The following TNKS variants were observed in gnomAD, a reference collection of about 807,000 sequenced individuals.
TNKS encodes tankyrase.
Under a neutral mutation model 135.8 loss-of-function variants are expected in TNKS, and 72 were observed. That is an observed-to-expected ratio of 0.53 (90% CI 0.44 to 0.64). The LOEUF is 0.64. Among genes scored for constraint, TNKS ranks in the 30% least tolerant of loss-of-function variants. TNKS has a pLI of 0.00. For synonymous variants in TNKS, 849 were observed against 649.3 expected (o/e 1.31, Z -4.68); for missense variants, 1,769 against 1,674.0 (o/e 1.06, Z -0.99).
At chr8:9,715,807 T>C (rs917327703) in intron 11 of TNKS, among the ~76,000 whole-genome samples, 2 of 152,146 alleles carry the variant, frequency 1.3e-5, no homozygotes, top group African/African-American at 4.8e-5. Context: ...TTAAAAAAAA[T>C]CAATAATTTA....
chr8:9,664,921 A>G (rs774440601), intron 3 of TNKS, among the ~76,000 whole-genome samples: 1 of 152,236 alleles, frequency 6.6e-6, no homozygotes, highest in Non-Finnish European at 1.5e-5. Context: ...GCTGTCTGCC[A>G]TTAGTCCATT....
At chr8:9,739,060 T>G (rs1219768145) in intron 17 of TNKS, among the ~76,000 whole-genome samples, 2 of 150,412 alleles carry the variant, frequency 1.3e-5, no homozygotes, top group Non-Finnish European at 3.0e-5. Flanking sequence ...AAATGGGATC[T>G]AATTAAACTA....
intron 3 of TNKS, among the ~76,000 whole-genome samples, chr8:9,649,357 G>T (rs1801046564): frequency 6.6e-6 from 1 of 152,124 alleles, no homozygotes; most frequent in South Asian, 2.1e-4. Context: ...ATAAGATGAG[G>T]CAAGGAGTTT....
At chr8:9,690,391 T>G (rs549441600) in intron 5 of TNKS, among the ~76,000 whole-genome samples, 1 of 152,326 alleles carries the variant, frequency 6.6e-6, no homozygotes, top group East Asian at 1.9e-4. Flanking sequence ...TTATCTGCTC[T>G]TCTCCCTTCC....
At chr8:9,659,154 C>G (rs1025617229) in intron 3 of TNKS, among the ~76,000 whole-genome samples, 9 of 152,206 alleles carry the variant, frequency 5.9e-5, no homozygotes, top group African/African-American at 2.2e-4. Flanking sequence ...TAACACCCCA[C>G]TGTCAACATT....
At chr8:9,615,030 C>T (rs910739508) in intron 2 of TNKS, among the ~76,000 whole-genome samples, 17 of 152,252 alleles carry the variant, frequency 1.1e-4, no homozygotes, top group African/African-American at 2.6e-4. Context: ...TGCAGCTCCA[C>T]GCCAGGGGAC....
At chr8:9,685,106 T>C (rs1388808883) in intron 5 of TNKS, among the ~76,000 whole-genome samples, 5 of 152,142 alleles carry the variant, frequency 3.3e-5, no homozygotes, top group Admixed American at 1.3e-4. Flanking sequence ...AAATATTTGC[T>C]TCCAAATAGT....
intron 17 of TNKS, among the ~76,000 whole-genome samples, chr8:9,742,377 C>T (rs1425177253): frequency 6.9e-6 from 1 of 145,420 alleles, no homozygotes; most frequent in East Asian, 2.0e-4. Context: ...TGTTTTTTAA[C>T]ATGGGCAACC....
rs754544024 is a variant in TNKS, at chr8:9,556,305, C to T, written c.366C>T (p.Gly122=). The T allele has an allele frequency of 1.9e-6, 3 of 1,614,272 alleles. No individual in the cohort carries two copies. Among genetic ancestry groups the T allele is most frequent in the Non-Finnish European group, 2.5e-6 (3 of 1,180,048 alleles). ...CTGGGGTCGCTCCCAACCCAGCCGG[C>T]AGTGGCAGTAACAATTCACCGTCGT... The part of the protein sequence containing the change: ...SAAGVAPNPA[G]SGSNNSPSSS... The change falls in exon 1 of 27, where the codon GGC becomes GGT. Residue 122 remains glycine (G), a synonymous_variant. Coordinates refer to ENST00000310430, the MANE Select transcript of TNKS (RefSeq NM_003747.3).
At position 9,766,383 on chromosome 8, in the gene TNKS, G is replaced by C; in HGVS notation, c.3698G>C (p.Gly1233Ala). Reference protein sequence around the residue: ...QYVYGIGGGTGCPTHKDRSCY... With the variant: ...QYVYGIGGGTACPTHKDRSCY... ...GTTTATGGAATTGGAGGAGGAACAG[G>C]CTGCCCTACACACAAGGACAGGTCA... The change falls in exon 25 of 27, where the codon GGC (glycine) becomes GCC (alanine). Residue 1233 changes from glycine to alanine, a missense_variant. By Grantham distance (60) the Gly-to-Ala change is moderately conservative. Transcript: ENST00000310430. The C allele has an allele frequency of 1.2e-6, 2 of 1,613,518 alleles. No homozygotes were observed. The highest frequency in any genetic ancestry group is 8.5e-7 in the Non-Finnish European group (1 of 1,179,700).
At chr8:9,654,890 A>T (rs553660539) in intron 3 of TNKS, among the ~76,000 whole-genome samples, 62 of 149,692 alleles carry the variant, frequency 4.1e-4, no homozygotes, top group African/African-American at 1.5e-3. Flanking sequence ...GGAGTGCCGG[A>T]CAGTGGGTGC....
intron 2 of TNKS, among the ~76,000 whole-genome samples, chr8:9,614,984 TG>T (rs1799586210): frequency 6.6e-6 from 1 of 152,180 alleles, no homozygotes; most frequent in African/African-American, 2.4e-5. Context: ...TAAACATTTT[TG>T]ATGGAAAGAA....
chr8:9,635,607 C>G (rs1330010146), intron 3 of TNKS, among the ~76,000 whole-genome samples: 1 of 152,134 alleles, frequency 6.6e-6, no homozygotes, highest in Non-Finnish European at 1.5e-5. Context: ...CAAAATCTGA[C>G]AATACTTTTT....
At chr8:9,740,944 G>A (rs903026234) in intron 17 of TNKS, 1 of 149,268 alleles carries the variant, frequency 6.7e-6, no homozygotes, top group African/African-American at 2.5e-5. Context: ...CGAGTAGCTG[G>A]AACTACAGGC....
chr8:9,720,671 C>T (rs1804830304), intron 12 of TNKS, 126 bp downstream of exon 12: 2 of 1,088,742 alleles, frequency 1.8e-6, no homozygotes, highest in Non-Finnish European at 2.5e-6. Flanking sequence ...GCAATTTAGC[C>T]TGTGGACTTC....
intron 3 of TNKS, among the ~76,000 whole-genome samples, chr8:9,668,295 G>C (rs1378338210): frequency 6.6e-6 from 1 of 151,944 alleles, no homozygotes; most frequent in African/African-American, 2.4e-5. Flanking sequence ...ACCTTTTTTG[G>C]GTCATGGACC....
chr8:9,672,413 T>C (rs985464477), intron 3 of TNKS, among the ~76,000 whole-genome samples: 2 of 151,794 alleles, frequency 1.3e-5, no homozygotes, highest in African/African-American at 2.4e-5. Context: ...TGTAGTGAAA[T>C]ATATGACAGC....
At position 9,584,805 on chromosome 8, in the gene TNKS, C is replaced by T. The variant is rs545667972; in HGVS notation, c.898+4422C>T. Among the ~76,000 whole-genome samples the T allele has an allele frequency of 6.6e-5, 10 of 152,262 alleles. No homozygotes were observed. In the South Asian group the frequency reaches 1.0e-3, roughly 16 times the overall value. ...AGAGTGAAGGAGACAGAGTATGTTC[C>T]CTTTGGAGGCCTCTTCCAGGTGCCT... On this transcript the variant is annotated intron_variant, in intron 2 of 26. Transcript: ENST00000310430.
chr8:9,605,093 T>C (rs889370041), intron 2 of TNKS, among the ~76,000 whole-genome samples: 2 of 152,118 alleles, frequency 1.3e-5, no homozygotes, highest in Admixed American at 6.5e-5. Flanking sequence ...CAAATGTGTA[T>C]ACCCATATAA....
Sources: allele counts gnomAD v4.1 joint callset (sites outside exome capture counted in the v4.1 genomes callset), GRCh38; gene constraint gnomAD v4.1.1; transcripts MANE v1.5; gene names NCBI Gene and HGNC (gene_info 2026-07-23, HGNC 2026-07-21).